Variants in HNRNPA3 observed in about 807,000 individuals in gnomAD.
HNRNPA3 encodes epididymis secretory sperm binding protein.
Under a neutral mutation model 45.8 loss-of-function variants are expected in HNRNPA3, and 3 were observed. The observed-to-expected ratio is 0.07, with a 90% CI of 0.03 to 0.17. The LOEUF is 0.17. Among genes scored for constraint, HNRNPA3 ranks in the 10% least tolerant of loss-of-function variants. HNRNPA3 has a pLI of 1.00. For synonymous variants in HNRNPA3, 170 were observed against 155.6 expected, an observed-to-expected ratio of 1.09 and a Z score of -0.69; for missense variants, 183 against 480.3, an observed-to-expected ratio of 0.38 and a Z score of 5.79.
intron 1 of HNRNPA3, among the ~76,000 whole-genome samples, chr2:177,214,406 A>AG (rs1220239395): frequency 2.6e-5 from 4 of 151,790 alleles, no homozygotes; most frequent in Non-Finnish European, 5.9e-5. Context: ...GGTTTGGCTT[A>AG]GGAATGCCTG....
downstream of HNRNPA3, chr2:177,222,896 TTTTTG>T (rs1165473433): frequency 1.3e-5 from 2 of 152,618 alleles, no homozygotes; most frequent in African/African-American, 4.8e-5. Context: ...TTTCGTTCCT[TTTTTG>T]TTTTGGTTCA....
In HNRNPA3 at chr2:177,216,552, C is replaced by T. The variant is rs575958071; in HGVS notation, c.603C>T (p.Ala201=). 22 of 1,613,912 alleles carry T rather than the reference C, an allele frequency of 1.4e-5. No individual in the cohort carries two copies. The South Asian group carries it at 2.0e-4, about 14-fold the overall frequency. ...GGCATAATTGTGAAGTGAAAAAGGCCCTTTCTAAACAAGAGATGCAGTCTG... is the reference window on the plus strand; with the variant it reads ...GGCATAATTGTGAAGTGAAAAAGGCTCTTTCTAAACAAGAGATGCAGTCTG... The change falls in exon 5 of 11, where the codon GCC becomes GCT. Residue 201 remains alanine, a synonymous_variant. Transcript: ENST00000392524.
chr2:177,218,808 T>C (rs1167877206), intron 8 of HNRNPA3, among the ~76,000 whole-genome samples: 3 of 152,210 alleles, frequency 2.0e-5, no homozygotes, highest in Admixed American at 1.3e-4. Flanking sequence ...CACTGGCAAT[T>C]TTAATGGTGT....
chr2:177,219,202 T>C, intron 9 of HNRNPA3, 43 bp downstream of exon 9: 1 of 1,609,852 alleles, frequency 6.2e-7, no homozygotes, highest in Non-Finnish European at 8.5e-7. Flanking sequence ...CTTTTTAATT[T>C]AAAAAATGTG....
intron 2 of HNRNPA3, 21 bp from the exon 3 acceptor site, chr2:177,215,729 A>C: frequency 6.2e-7 from 1 of 1,610,706 alleles, no homozygotes; most frequent in Non-Finnish European, 8.5e-7. Context: ...TTTCAACGTT[A>C]TAAAACTTTT....
exon 8 of HNRNPA3, chr2:177,217,842 G>T: frequency 6.4e-7 from 1 of 1,571,834 alleles, no homozygotes; most frequent in Non-Finnish European, 8.6e-7. Flanking sequence ...AAATTTTGGC[G>T]GTGGTAAGCA....
In HNRNPA3 at chr2:177,217,904, T is replaced by TG. The variant is rs572766962; in HGVS notation, c.961+60dup. On this transcript the variant is annotated intron_variant, in intron 8 of 10. Transcript: ENST00000392524. Reference sequence around the variant, plus strand: ...TATTCAGTGTTGCTAACAGTTCCCATGACACATATTTGGAAAGTGTTAAAA... The same window carrying TG: ...TATTCAGTGTTGCTAACAGTTCCCATGGACACATATTTGGAAAGTGTTAAAA... 1.3e-3 allele frequency: 1,860 copies of TG among 1,412,820 alleles called. 15 individuals are homozygous for TG. Among genetic ancestry groups the TG allele is most frequent in the Middle Eastern group, 3.9e-3 (21 of 5,398 alleles). The allele number at this position is 1,412,820 out of a possible 1,614,324, so 87.5% of individuals were successfully genotyped here.
At chr2:177,219,060 T>C in exon 9 of HNRNPA3, 1 of 1,614,010 alleles carries the variant, frequency 6.2e-7, no homozygotes, top group East Asian at 2.2e-5. Context: ...TGGTGGGAAC[T>C]ATAATGATTT....
chr2:177,214,818 T>C (rs1426529692), intron 1 of HNRNPA3, among the ~76,000 whole-genome samples: 8 of 152,082 alleles, frequency 5.3e-5, no homozygotes, highest in African/African-American at 1.9e-4. Flanking sequence ...ACAAAAAAAT[T>C]AAATGCATGT....
At chr2:177,217,584 A>G (rs541016370) in intron 7 of HNRNPA3, 121 bp from the exon 8 acceptor site, 88 of 1,182,988 alleles carry the variant, frequency 7.4e-5, no homozygotes, top group Admixed American at 1.2e-4. Flanking sequence ...CTGTGGTTGC[A>G]CCACTGTACT....
intron 1 of HNRNPA3, among the ~76,000 whole-genome samples, chr2:177,213,987 T>C (rs1015609404): frequency 2.0e-5 from 3 of 152,256 alleles, no homozygotes; most frequent in Non-Finnish European, 4.4e-5. Context: ...CGTTTTTTTC[T>C]AGCATGTGAC....
chr2:177,218,702 A>G (rs1280129208), intron 8 of HNRNPA3, among the ~76,000 whole-genome samples: 1 of 152,244 alleles, frequency 6.6e-6, no homozygotes, highest in Non-Finnish European at 1.5e-5. Flanking sequence ...GGACCTAATT[A>G]ACATGTCAAT....
chr2:177,218,674 G>A (rs1427274508), intron 8 of HNRNPA3, among the ~76,000 whole-genome samples: 1 of 152,164 alleles, frequency 6.6e-6, no homozygotes, highest in Admixed American at 6.5e-5. Flanking sequence ...AGCTTTCTTA[G>A]GAATGCACTG....
downstream of HNRNPA3, chr2:177,223,371 A>G (rs1302867539): frequency 1.3e-5 from 2 of 152,074 alleles, no homozygotes; most frequent in African/African-American, 2.4e-5. Flanking sequence ...TGAAAACTAC[A>G]GTATTCTCAG....
chr2:177,215,683 AG>A, intron 2 of HNRNPA3, 22 bp downstream of exon 2: 1 of 1,613,664 alleles, frequency 6.2e-7, no homozygotes, highest in African/African-American at 1.3e-5. Flanking sequence ...AGAGAACAGA[AG>A]GGTTCTAAGG....
chr2:177,214,775 A>G (rs916869708), intron 1 of HNRNPA3, among the ~76,000 whole-genome samples: 9 of 152,230 alleles, frequency 5.9e-5, no homozygotes, highest in African/African-American at 2.2e-4. Context: ...AGCCTGGGCG[A>G]CAGAGCGAGA....
chr2:177,220,547 C>G (rs1370949249), downstream of HNRNPA3: 1 of 152,744 alleles, frequency 6.5e-6, no homozygotes, highest in Admixed American at 6.5e-5. Context: ...GGCTGGCATG[C>G]TTTCCTGTTT....
chr2:177,216,525 T>C, exon 5 of HNRNPA3: 1 of 1,612,908 alleles, frequency 6.2e-7, no homozygotes, highest in African/African-American at 1.3e-5. Flanking sequence ...ACACTATTAA[T>C]GGGCATAATT....
downstream of HNRNPA3, chr2:177,223,360 C>G (rs1207602510): frequency 1.3e-5 from 2 of 150,694 alleles, no homozygotes; most frequent in Non-Finnish European, 2.9e-5. Context: ...ATTGTCGTTT[C>G]TGAAAACTAC....
Sources: allele counts gnomAD v4.1 joint callset (sites outside exome capture counted in the v4.1 genomes callset), GRCh38; gene constraint gnomAD v4.1.1; transcripts MANE v1.5; gene names NCBI Gene and HGNC (gene_info 2026-07-23, HGNC 2026-07-21).